The following PTPN14 variants were observed in gnomAD, a reference collection of about 807,000 sequenced individuals.
PTPN14 encodes tyrosine-protein phosphatase non-receptor type 14.
In PTPN14, 53 loss-of-function variants were observed where a neutral mutation model predicts 126.8. The ratio of observed to expected loss-of-function variants is 0.42; its 90% CI spans 0.34 to 0.53. The LOEUF (loss-of-function observed/expected upper bound fraction) is 0.53, where lower values mean the gene tolerates loss of function less well. PTPN14 is among the 20% of genes least tolerant of loss of function. The probability of loss-of-function intolerance (pLI) is 0.08; values close to 1 mark genes in which losing one functional copy is unlikely to be tolerated. For synonymous variants in PTPN14, 630 were observed against 599.3 expected, an observed-to-expected ratio of 1.05 and a Z score of -0.75; for missense variants, 1,257 against 1,552.9, an observed-to-expected ratio of 0.81 and a Z score of 3.20.
intron 8 of PTPN14, 121 bp from the exon 9 acceptor site, chr1:214,395,107 T>A: frequency 5.8e-6 from 5 of 865,234 alleles, no homozygotes; most frequent in South Asian, 5.7e-5. Flanking sequence ...AACTATTTTT[T>A]AAGTGAAATG....
chr1:214,452,085 T>C, intron 2 of PTPN14, 111 bp from the exon 3 acceptor site: 1 of 1,225,868 alleles, frequency 8.2e-7, no homozygotes, highest in Non-Finnish European at 1.1e-6. Context: ...CCCCAGCCCA[T>C]ATATAAGATC....
At chr1:214,375,381 T>C (rs931895054) in intron 15 of PTPN14, among the ~76,000 whole-genome samples, 8 of 152,230 alleles carry the variant, frequency 5.3e-5, no homozygotes, top group Admixed American at 4.6e-4. Flanking sequence ...GGACTATCAA[T>C]TGAACCTTGT....
At chr1:214,439,105 T>C (rs958774062) in intron 3 of PTPN14, among the ~76,000 whole-genome samples, 2 of 152,224 alleles carry the variant, frequency 1.3e-5, no homozygotes, top group Non-Finnish European at 2.9e-5. Context: ...TTTTTTATTG[T>C]TTTATTTCCA....
intron 1 of PTPN14, among the ~76,000 whole-genome samples, chr1:214,481,727 T>A (rs1194438966): frequency 3.3e-5 from 5 of 151,902 alleles, no homozygotes; most frequent in African/African-American, 1.2e-4. Context: ...GGCTCACGCC[T>A]GTAATTCCAA....
At chr1:214,403,670 G>C (rs970951128) in intron 5 of PTPN14, among the ~76,000 whole-genome samples, 2 of 152,184 alleles carry the variant, frequency 1.3e-5, no homozygotes, top group Non-Finnish European at 2.9e-5. Flanking sequence ...ACAGAAATAG[G>C]CTTGCTAAAC....
chr1:214,384,399 T>C lies in PTPN14; in HGVS notation c.1456A>G (p.Ser486Gly). ...TGCCTCTCCCGCATCTCCGGTTGGC[T>C]GTACACCAGATCCTCTGGCTGGTTG... Reference protein sequence around the residue: ...AYNQPEDLVYSQPEMRERHPY... With the variant: ...AYNQPEDLVYGQPEMRERHPY... The change falls in exon 13 of 19, where the codon AGC (serine) becomes GGC (glycine). Residue 486 changes from serine to glycine, a missense_variant. By Grantham distance (56) the Ser-to-Gly change is moderately conservative (BLOSUM62 0). Coordinates refer to ENST00000366956, the MANE Select transcript of PTPN14 (RefSeq NM_005401.5). This position sits in a 1 kb window ranked among gnomAD's most constrained non-coding sequence, Gnocchi z 5.3. 1 of 1,614,176 alleles carries C rather than the reference T, an allele frequency of 6.2e-7. No homozygotes were observed. Among genetic ancestry groups the C allele is most frequent in the Non-Finnish European group, 8.5e-7 (1 of 1,180,028 alleles).
intron 1 of PTPN14, among the ~76,000 whole-genome samples, chr1:214,491,250 C>T (rs1661245344): frequency 6.6e-6 from 1 of 152,078 alleles, no homozygotes; most frequent in Non-Finnish European, 1.5e-5. Flanking sequence ...ATTTTATATG[C>T]TCTCACAATG....
chr1:214,373,766 A>AGATGAAGT (rs1658277079), intron 15 of PTPN14, among the ~76,000 whole-genome samples: 2 of 151,898 alleles, frequency 1.3e-5, no homozygotes, highest in African/African-American at 4.8e-5. Context: ...TGTGGATCTG[A>AGATGAAGT]GATGAAGTGT....
intron 3 of PTPN14, among the ~76,000 whole-genome samples, chr1:214,420,270 T>C (rs1047683482): frequency 3.3e-5 from 5 of 152,232 alleles, no homozygotes; most frequent in Admixed American, 6.5e-5. Context: ...CTAATACATG[T>C]ACATGCATGA....
chr1:214,511,837 C>A (rs1270080327), intron 1 of PTPN14, among the ~76,000 whole-genome samples: 1 of 152,176 alleles, frequency 6.6e-6, no homozygotes, highest in Non-Finnish European at 1.5e-5. Flanking sequence ...GGAAGGAAAT[C>A]CTGATACATG....
chr1:214,382,234 T>C (rs2102534928), intron 13 of PTPN14, among the ~76,000 whole-genome samples: 1 of 152,304 alleles, frequency 6.6e-6, no homozygotes, highest in East Asian at 1.9e-4. Context: ...TCCAAACATT[T>C]TCTCATTAGT....
chr1:214,370,051 C>T (rs1206105010), intron 16 of PTPN14, among the ~76,000 whole-genome samples: 4 of 152,146 alleles, frequency 2.6e-5, no homozygotes, highest in South Asian at 4.1e-4. Context: ...GAGGCCAAGG[C>T]GCGTGGATCA....
At position 214,534,025 on chromosome 1, in the gene PTPN14, T is replaced by C. The variant is rs77970083; in HGVS notation, c.-155+17158A>G. ...ACTCAATGTAATAGATCAATAACAA[T>C]AGAATTAGTTCTAAATATTTTTTAA... On this transcript the variant is annotated intron_variant, in intron 1 of 18. Transcript: ENST00000366956. 4.6e-5 allele frequency among the ~76,000 whole-genome samples: 7 copies of C among 152,250 alleles called. No individual in the cohort carries two copies. In the East Asian group the frequency reaches 7.7e-4, roughly 17 times the overall value.
intron 1 of PTPN14, among the ~76,000 whole-genome samples, chr1:214,492,129 A>G (rs1176317997): frequency 6.6e-6 from 1 of 152,138 alleles, no homozygotes; most frequent in Non-Finnish European, 1.5e-5. Flanking sequence ...TCATTAATTC[A>G]TTTAATGAAG....
In PTPN14 at chr1:214,383,908, C is replaced by G. The variant is rs976083061; in HGVS notation, c.1947G>C (p.Met649Ile). 3 of 1,613,364 alleles carry G rather than the reference C, an allele frequency of 1.9e-6. No homozygotes were observed. The highest frequency in any genetic ancestry group is 2.7e-5 in the African/African-American group (2 of 74,942). The stretch of plus-strand genomic sequence containing the variant: ...GCGTCATGGCCTCCATGCCCCGCAC[C>G]ATGCTGTTCATCACCTCCAGGCTGT... ...KRHSLEVMNS[M>I]VRGMEAMTLK... The change falls in exon 13 of 19, where the codon ATG becomes ATC. Residue 649 changes from methionine (M) to isoleucine (I), a missense_variant. Coordinates refer to ENST00000366956, the MANE Select transcript of PTPN14 (RefSeq NM_005401.5). This position sits in a 1 kb window ranked among gnomAD's most constrained non-coding sequence, Gnocchi z 4.4.
At chr1:214,372,108 A>G (rs1421096885) in intron 16 of PTPN14, 1 of 152,446 alleles carries the variant, frequency 6.6e-6, no homozygotes, top group African/African-American at 2.4e-5. Flanking sequence ...CACCGACTGG[A>G]TTGACTGGCA....
At chr1:214,393,857 G>C in intron 9 of PTPN14, 80 bp from the exon 10 acceptor site, 1 of 1,137,450 alleles carries the variant, frequency 8.8e-7, no homozygotes, top group South Asian at 1.3e-5. Flanking sequence ...TCTGAGGAGG[G>C]ACACACATCC....
chr1:214,496,987 A>G (rs893385230), intron 1 of PTPN14, among the ~76,000 whole-genome samples: 2 of 152,214 alleles, frequency 1.3e-5, no homozygotes, highest in African/African-American at 2.4e-5. Flanking sequence ...GTCTTTGTAA[A>G]TAAGATCCAA....
At chr1:214,366,517 C>A (rs960047281) in intron 17 of PTPN14, among the ~76,000 whole-genome samples, 4 of 152,150 alleles carry the variant, frequency 2.6e-5, no homozygotes, top group Non-Finnish European at 5.9e-5. Flanking sequence ...GTTCCTTACG[C>A]TGTAACTCAA....
Sources: gnomAD v4.1 joint callset for allele counts (sites outside exome capture counted in the v4.1 genomes callset) on GRCh38, gnomAD v4.1.1 for gene constraint, Gnocchi (gnomAD v3.1) non-coding constraint, MANE v1.5 for transcripts, NCBI Gene and HGNC (gene_info 2026-07-23, HGNC 2026-07-21) for gene names.